Variants in UNC5C observed in about 807,000 individuals in gnomAD.
The protein encoded by UNC5C is netrin receptor UNC5C.
Under a neutral mutation model 99.8 loss-of-function variants are expected in UNC5C, and 47 were observed. That is an observed-to-expected ratio of 0.47 (90% CI 0.37 to 0.60). The LOEUF (loss-of-function observed/expected upper bound fraction) is 0.60, where lower values mean the gene tolerates loss of function less well. Ranked by LOEUF, UNC5C falls within the 20% of genes least tolerant of loss-of-function variation. UNC5C has a pLI of 0.00. For missense variants in UNC5C, 1,062 were observed against 1,165.9 expected (o/e 0.91, Z 1.30); for synonymous variants, 487 against 452.2 (o/e 1.08, Z -0.98).
intron 1 of UNC5C, among the ~76,000 whole-genome samples, chr4:95,483,441 TTAA>T (rs1026975096): frequency 3.3e-5 from 5 of 151,878 alleles, no homozygotes; most frequent in South Asian, 4.1e-4. Context: ...GCTTTTCATG[TTAA>T]TAATGAGTCT....
intron 1 of UNC5C, among the ~76,000 whole-genome samples, chr4:95,529,192 G>T (rs1722573869): frequency 6.7e-6 from 1 of 149,806 alleles, no homozygotes; most frequent in African/African-American, 2.5e-5. Context: ...TTCCAGAATT[G>T]GATTCATCTC....
At chr4:95,502,711 T>G (rs1463136335) in intron 1 of UNC5C, among the ~76,000 whole-genome samples, 1 of 152,200 alleles carries the variant, frequency 6.6e-6, no homozygotes, top group Admixed American at 6.6e-5. Context: ...TTTTCATTAT[T>G]ACTAAAAATG....
At chr4:95,500,546 C>A (rs1210536932) in intron 1 of UNC5C, among the ~76,000 whole-genome samples, 2 of 152,070 alleles carry the variant, frequency 1.3e-5, no homozygotes, top group Non-Finnish European at 2.9e-5. Context: ...TTTGTTTTGG[C>A]ATCGAAATAA....
rs1041639985 is a variant in UNC5C at position 95,393,862 on chromosome 4, T to A, written c.125-58231A>T. ...TATACAATCTACTGTTTTTTTTTTT[T>A]TAAAAAAAAACAGATTGCTATAAAT... On this transcript the variant is annotated intron_variant, in intron 1 of 15. Coordinates refer to ENST00000453304, the MANE Select transcript of UNC5C (RefSeq NM_003728.4). Among the ~76,000 whole-genome samples, 108 of 146,540 alleles carry A rather than the reference T, an allele frequency of 7.4e-4. 1 individual carries two copies. The highest frequency in any genetic ancestry group is 2.7e-3 in the African/African-American group (101 of 37,004).
chr4:95,422,630 G>A (rs1746355470), intron 1 of UNC5C, among the ~76,000 whole-genome samples: 1 of 152,088 alleles, frequency 6.6e-6, no homozygotes, highest in South Asian at 2.1e-4. Flanking sequence ...CTTCTTAACT[G>A]ACTTGTTTTT....
chr4:95,524,223 G>A (rs1469299642), intron 1 of UNC5C, among the ~76,000 whole-genome samples: 1 of 152,164 alleles, frequency 6.6e-6, no homozygotes, highest in Admixed American at 6.5e-5. Context: ...ACAGATCTAT[G>A]TTTCAATCCT....
chr4:95,204,761 A>T (rs1232486870), intron 11 of UNC5C, among the ~76,000 whole-genome samples: 1 of 152,228 alleles, frequency 6.6e-6, no homozygotes, highest in Non-Finnish European at 1.5e-5. Context: ...GTGTCCCACA[A>T]CCATTTGCTG....
intron 1 of UNC5C, among the ~76,000 whole-genome samples, chr4:95,529,015 A>G (rs1465960314): frequency 6.6e-6 from 1 of 152,072 alleles, no homozygotes. Context: ...AATCTCTTCC[A>G]AAATATTTTT....
intron 1 of UNC5C, among the ~76,000 whole-genome samples, chr4:95,478,065 G>A (rs1174916669): frequency 6.6e-6 from 1 of 151,848 alleles, no homozygotes; most frequent in Non-Finnish European, 1.5e-5. Context: ...ATTATTACTA[G>A]GTTTTTTAGC....
chr4:95,521,990 C>A (rs1035486056), intron 1 of UNC5C, among the ~76,000 whole-genome samples: 1 of 151,868 alleles, frequency 6.6e-6, no homozygotes, highest in Non-Finnish European at 1.5e-5. Context: ...CAGAAATGTG[C>A]ATTTCTTTTT....
chr4:95,436,221 A>G (rs1746783441), intron 1 of UNC5C, among the ~76,000 whole-genome samples: 2 of 151,940 alleles, frequency 1.3e-5, no homozygotes, highest in Non-Finnish European at 2.9e-5. Flanking sequence ...CATAGGATCA[A>G]TCATTAACAG....
intron 3 of UNC5C, among the ~76,000 whole-genome samples, chr4:95,295,521 G>A (rs1418460540): frequency 6.6e-6 from 1 of 152,132 alleles, no homozygotes; most frequent in Non-Finnish European, 1.5e-5. Flanking sequence ...TTGTAAGCAA[G>A]CTTAAATACA....
At chr4:95,181,838 T>C (rs573588293) in intron 14 of UNC5C, among the ~76,000 whole-genome samples, 33 of 152,336 alleles carry the variant, frequency 2.2e-4, no homozygotes, top group African/African-American at 7.9e-4. Flanking sequence ...CTAAGGAAGA[T>C]GGTCTTTAAA....
chr4:95,269,417 C>T (rs527329138), intron 4 of UNC5C, among the ~76,000 whole-genome samples: 13 of 152,254 alleles, frequency 8.5e-5, no homozygotes, highest in African/African-American at 2.6e-4. Context: ...ACCTCAGTTC[C>T]TGGAGTAGCA....
intron 1 of UNC5C, among the ~76,000 whole-genome samples, chr4:95,520,323 G>A (rs904182195): frequency 3.3e-5 from 5 of 152,128 alleles, no homozygotes; most frequent in African/African-American, 1.2e-4. Context: ...TAAGTCAAGA[G>A]TAAAATTCAA....
intron 1 of UNC5C, among the ~76,000 whole-genome samples, chr4:95,506,143 T>C (rs1721915542): frequency 6.6e-6 from 1 of 152,084 alleles, no homozygotes; most frequent in Admixed American, 6.6e-5. Context: ...GGGCCATTTA[T>C]TTTTATTACT....
intron 7 of UNC5C, among the ~76,000 whole-genome samples, chr4:95,220,686 A>G (rs564850585): frequency 2.0e-5 from 3 of 152,272 alleles, no homozygotes; most frequent in South Asian, 4.2e-4. Context: ...CCCTAAATCA[A>G]TGGAGAGGTG....
chr4:95,248,869 A>C (rs1739594891), intron 5 of UNC5C, among the ~76,000 whole-genome samples: 1 of 152,186 alleles, frequency 6.6e-6, no homozygotes, highest in South Asian at 2.1e-4. Context: ...TGTAGTGTTC[A>C]TAAAGTCTAC....
At chr4:95,295,329 AC>A (rs1741635285) in intron 3 of UNC5C, among the ~76,000 whole-genome samples, 1 of 152,150 alleles carries the variant, frequency 6.6e-6, no homozygotes, top group Non-Finnish European at 1.5e-5. Context: ...AATGAAAACT[AC>A]CAGACCCGCC....
Sources: gnomAD v4.1 joint callset for allele counts (sites outside exome capture counted in the v4.1 genomes callset) on GRCh38, gnomAD v4.1.1 for gene constraint, MANE v1.5 for transcripts, NCBI Gene and HGNC (gene_info 2026-07-23, HGNC 2026-07-21) for gene names.